Variants in TASP1 observed in about 807,000 individuals in gnomAD.
TASP1 encodes taspase 1.
A neutral mutation model predicts 56.6 loss-of-function variants in TASP1; 16 were observed. That is an observed-to-expected ratio of 0.28 (90% CI 0.19 to 0.43). The LOEUF (loss-of-function observed/expected upper bound fraction) is 0.43. Among genes scored for constraint, TASP1 ranks in the 20% least tolerant of loss-of-function variants. The pLI, the probability that TASP1 is intolerant of heterozygous loss-of-function variation, is 1.00. For missense variants in TASP1, 393 were observed against 511.6 expected (o/e 0.77, Z 2.24); for synonymous variants, 179 against 184.2 (o/e 0.97, Z 0.23).
At chr20:13,401,659 T>C (rs1166047401) in intron 13 of TASP1, among the ~76,000 whole-genome samples, 1 of 152,212 alleles carries the variant, frequency 6.6e-6, no homozygotes, top group African/African-American at 2.4e-5. Context: ...ATAGTTTTTG[T>C]CTTGAGACTG....
At chr20:13,519,802 T>C (rs368986956) in intron 10 of TASP1, among the ~76,000 whole-genome samples, 22 of 152,262 alleles carry the variant, frequency 1.4e-4, no homozygotes, top group South Asian at 4.1e-4. Flanking sequence ...AAATAAAGGA[T>C]ATTCAATTAT....
At chr20:13,223,192 T>TA in the TASP1 span, among the ~76,000 whole-genome samples, 39 of 148,612 alleles carry the variant, frequency 2.6e-4, no homozygotes, top group South Asian at 1.1e-3. Context: ...TAAAATAAAA[T>TA]AAATAAATAA....
At chr20:13,532,387 C>T (rs1436027945) in intron 9 of TASP1, among the ~76,000 whole-genome samples, 3 of 152,096 alleles carry the variant, frequency 2.0e-5, no homozygotes, top group Non-Finnish European at 4.4e-5. Context: ...TTGGGCTTGT[C>T]AAAAAGAACT....
the TASP1 span, among the ~76,000 whole-genome samples, chr20:13,179,169 A>T: frequency 6.6e-6 from 1 of 152,192 alleles, no homozygotes; most frequent in Non-Finnish European, 1.5e-5. Flanking sequence ...CGAAATCTAA[A>T]TGTTGGAAAT....
At chr20:13,532,408 T>C (rs1199046806) in intron 9 of TASP1, among the ~76,000 whole-genome samples, 1 of 152,218 alleles carries the variant, frequency 6.6e-6, no homozygotes, top group Non-Finnish European at 1.5e-5. Context: ...GTTCTTTACC[T>C]CTCATCTGAT....
chr20:13,160,599 G>A, the TASP1 span, among the ~76,000 whole-genome samples: 2 of 152,174 alleles, frequency 1.3e-5, no homozygotes, highest in African/African-American at 2.4e-5. Flanking sequence ...TTTTAAAATT[G>A]CCTTTTATTG....
chr20:13,229,557 A>ATCACAACTC, the TASP1 span, among the ~76,000 whole-genome samples: 1 of 152,208 alleles, frequency 6.6e-6, no homozygotes, highest in African/African-American at 2.4e-5. Context: ...CACAATTTGT[A>ATCACAACTC]TATCCCCATC....
intron 6 of TASP1, among the ~76,000 whole-genome samples, chr20:13,580,386 G>A (rs577836846): frequency 6.6e-6 from 1 of 152,314 alleles, no homozygotes; most frequent in East Asian, 1.9e-4. Flanking sequence ...GGTCAAGGCT[G>A]CAGTGAGCCA....
chr20:13,551,426 A>AT, intron 8 of TASP1, among the ~76,000 whole-genome samples: 1 of 152,292 alleles, frequency 6.6e-6, no homozygotes, highest in East Asian at 1.9e-4. Context: ...AGAAAAAGAG[A>AT]TGGAAACTAT....
chr20:13,604,411 T>C (rs1395792512), intron 4 of TASP1, among the ~76,000 whole-genome samples: 2 of 152,190 alleles, frequency 1.3e-5, no homozygotes, highest in Non-Finnish European at 2.9e-5. Flanking sequence ...CCATGTGATA[T>C]ACCGACTCCT....
At chr20:13,203,373 C>A in the TASP1 span, among the ~76,000 whole-genome samples, 1 of 152,302 alleles carries the variant, frequency 6.6e-6, no homozygotes, top group African/African-American at 2.4e-5. Flanking sequence ...GAAGTAAAAT[C>A]TCTGCTTTCA....
chr20:13,550,061 C>A (rs542649743), intron 8 of TASP1, among the ~76,000 whole-genome samples: 4 of 151,632 alleles, frequency 2.6e-5, no homozygotes, highest in East Asian at 1.9e-4. Context: ...GATTTAAGGA[C>A]GACCTGGGAA....
chr20:13,323,305 G>C, the TASP1 span, among the ~76,000 whole-genome samples: 2 of 152,174 alleles, frequency 1.3e-5, no homozygotes, highest in African/African-American at 4.8e-5. Context: ...CAAAGGAAGG[G>C]AGGTCACTTA....
At chr20:13,533,125 T>C (rs897632336) in intron 9 of TASP1, among the ~76,000 whole-genome samples, 3 of 152,214 alleles carry the variant, frequency 2.0e-5, no homozygotes, top group East Asian at 1.9e-4. Context: ...CTGCTTCAAA[T>C]AGTCACTAAC....
chr20:13,265,383 G>T, the TASP1 span, among the ~76,000 whole-genome samples: 2 of 152,140 alleles, frequency 1.3e-5, no homozygotes, highest in Admixed American at 6.5e-5. Flanking sequence ...AGGTTTTCTG[G>T]ATTTCTCTCC....
intron 10 of TASP1, 102 bp downstream of exon 10, chr20:13,528,331 G>T: frequency 1.0e-6 from 1 of 953,810 alleles, no homozygotes; most frequent in Non-Finnish European, 1.6e-6. Flanking sequence ...TCCATACACT[G>T]TCATAGCACA....
the TASP1 span, among the ~76,000 whole-genome samples, chr20:13,115,579 A>G: frequency 6.6e-6 from 1 of 152,182 alleles, no homozygotes; most frequent in African/African-American, 2.4e-5. Context: ...CATTTTAAAG[A>G]GAAGAAAATT....
At chr20:13,243,401 T>C in the TASP1 span, among the ~76,000 whole-genome samples, 1 of 152,168 alleles carries the variant, frequency 6.6e-6, no homozygotes, top group Non-Finnish European at 1.5e-5. Context: ...ATGTATTCCC[T>C]GATAAGGGTT....
At chr20:13,400,268 T>C (rs1276336767) in intron 13 of TASP1, among the ~76,000 whole-genome samples, 2 of 152,192 alleles carry the variant, frequency 1.3e-5, no homozygotes, top group Non-Finnish European at 2.9e-5. Flanking sequence ...GATACTGTGT[T>C]TTATCAAACT....
Sources: allele counts gnomAD v4.1 joint callset (sites outside exome capture counted in the v4.1 genomes callset), GRCh38; gene constraint gnomAD v4.1.1; transcripts MANE v1.5; gene names NCBI Gene and HGNC (gene_info 2026-07-23, HGNC 2026-07-21).